ZDHHC7: variants seen among roughly 807,000 people sequenced by gnomAD.
The protein encoded by ZDHHC7 is zDHHC palmitoyltransferase 7.
ZDHHC7 carries 12 observed loss-of-function variants against 34.1 expected under a neutral mutation model. The ratio of observed to expected loss-of-function variants is 0.35; its 90% CI spans 0.23 to 0.57. The LOEUF (loss-of-function observed/expected upper bound fraction) is 0.57. Ranked by LOEUF, ZDHHC7 falls within the 20% of genes least tolerant of loss-of-function variation. ZDHHC7 has a pLI of 0.84. For missense variants in ZDHHC7, 388 were observed against 402.7 expected (o/e 0.96, Z 0.31); for synonymous variants, 185 against 155.4 (o/e 1.19, Z -1.42).
At chr16:85,020,511 T>C in the ZDHHC7 span, among the ~76,000 whole-genome samples, 1 of 152,150 alleles carries the variant, frequency 6.6e-6, no homozygotes, top group African/African-American at 2.4e-5. Flanking sequence ...CATGCAGGGA[T>C]TCCTTTAGGA....
chr16:84,988,946 G>C (rs893045402), intron 3 of ZDHHC7: 2 of 1,457,022 alleles, frequency 1.4e-6, no homozygotes, highest in Non-Finnish European at 1.9e-6. Context: ...CTTTGTCGAA[G>C]TGCCTGGGCA....
intron 2 of ZDHHC7, among the ~76,000 whole-genome samples, chr16:84,990,966 G>C (rs2072502342): frequency 6.6e-6 from 1 of 152,140 alleles, no homozygotes; most frequent in Non-Finnish European, 1.5e-5. Flanking sequence ...GTGGAGAGGA[G>C]CTCTGCTGTA....
rs1290153668 is a variant in ZDHHC7, at chr16:84,975,816, C to G, written c.*527G>C. 1 of 155,702 alleles carries G rather than the reference C, an allele frequency of 6.4e-6. No homozygotes were observed. The highest frequency in any genetic ancestry group is 1.4e-5 in the Non-Finnish European group (1 of 70,410). The allele number at this position is 155,702 out of a possible 1,614,324, so 9.6% of individuals were successfully genotyped here. On this transcript the variant is annotated 3_prime_UTR_variant, in exon 8 of 8. Transcript: ENST00000313732. Reference sequence around the variant, plus strand: ...GGGGCAGCGGGGAGTGTGCCGGAAGCCACCTTCACTGTTCAGTGCACAGAT... The same window carrying G: ...GGGGCAGCGGGGAGTGTGCCGGAAGGCACCTTCACTGTTCAGTGCACAGAT...
Position 84,985,667 on chromosome 16 carries a change from G to C in ZDHHC7, c.316-3673C>G, listed in dbSNP as rs183516626. On this transcript the variant is annotated intron_variant, in intron 3 of 7. Transcript: ENST00000313732. ...AAGGGAAAAAAATTATAAAAGAATT[G>C]AGACAGGCCAGGCACGGTGACTCAC... 1.3e-4 allele frequency among the ~76,000 whole-genome samples: 20 copies of C among 152,188 alleles called. No homozygotes were observed. The East Asian group carries it at 3.9e-3, about 29-fold the overall frequency.
the ZDHHC7 span, among the ~76,000 whole-genome samples, chr16:85,018,090 G>C: frequency 6.6e-6 from 1 of 152,084 alleles, no homozygotes; most frequent in Non-Finnish European, 1.5e-5. Context: ...GTGCCATGTT[G>C]GGTCCAGTTG....
intron 3 of ZDHHC7, among the ~76,000 whole-genome samples, chr16:84,984,538 C>A (rs752138308): frequency 3.9e-5 from 6 of 152,122 alleles, no homozygotes; most frequent in Non-Finnish European, 8.8e-5. Flanking sequence ...CGATGTGGCA[C>A]GATACACTTC....
At chr16:84,983,231 G>A (rs2072393493) in intron 3 of ZDHHC7, among the ~76,000 whole-genome samples, 1 of 152,236 alleles carries the variant, frequency 6.6e-6, no homozygotes, top group Non-Finnish European at 1.5e-5. Context: ...AGGGGATATA[G>A]GTGGGGCAAA....
At chr16:85,011,787 G>C (rs552648138), upstream of ZDHHC7, among the ~76,000 whole-genome samples, 8 of 152,366 alleles carry the variant, frequency 5.3e-5, no homozygotes, top group Non-Finnish European at 1.2e-4. Context: ...TGCGGAACCG[G>C]GTTGGGAATG....
At chr16:84,982,090 G>A in intron 3 of ZDHHC7, 96 bp from the exon 4 acceptor site, 3 of 1,515,154 alleles carry the variant, frequency 2.0e-6, no homozygotes, top group Non-Finnish European at 2.7e-6. Context: ...CCAGCACTTT[G>A]GGAGGCTGAG....
At position 84,990,586 on chromosome 16, in the gene ZDHHC7, G is replaced by A. The variant is rs752051653; in HGVS notation, c.33C>T (p.Val11=). 9.3e-6 allele frequency: 15 copies of A among 1,613,962 alleles called. No homozygotes were observed. The Admixed American group carries it at 1.2e-4, about 13-fold the overall frequency. ...TTTCAGCCAGGAGAGGATGATGCTC[G>A]ACGTCCCGGAGCCTGTGTCCTGATG... MQPSGHRLRD[V]EHHPLLAEND... Residue 11 remains valine, a synonymous_variant, in exon 3 of 8, where the codon GTC becomes GTT. Coordinates refer to ENST00000313732, the MANE Select transcript of ZDHHC7 (RefSeq NM_017740.3).
chr16:84,988,640 G>T, intron 3 of ZDHHC7: 2 of 821,178 alleles, frequency 2.4e-6, no homozygotes, highest in Non-Finnish European at 3.9e-6. Context: ...CTGGACTGCT[G>T]AGTAGCTGTA....
rs114882069 is a variant in ZDHHC7, at chr16:84,992,197, G to A, written c.-17-1562C>T. On this transcript the variant is annotated intron_variant, in intron 2 of 7. Transcript: ENST00000313732. ...GAAAAGAAAAAAGTGGGTCAGGTGC[G>A]GGTGGCTCATACCTGTAACCCCAGC... 4.0e-3 allele frequency among the ~76,000 whole-genome samples: 613 copies of A among 151,790 alleles called. 1 individual carries two copies. The highest frequency in any genetic ancestry group is 0.014 in the African/African-American group (586 of 41,392).
At chr16:85,026,113 G>A in the ZDHHC7 span, among the ~76,000 whole-genome samples, 808 of 152,332 alleles carry the variant, frequency 5.3e-3, 7 homozygotes, top group African/African-American at 0.019. Context: ...AACAGAATCT[G>A]ACTCTAAATG....
At chr16:84,981,184 G>A (rs552850813) in intron 4 of ZDHHC7, among the ~76,000 whole-genome samples, 1 of 152,196 alleles carries the variant, frequency 6.6e-6, no homozygotes, top group Non-Finnish European at 1.5e-5. Flanking sequence ...AAGGAGTCAG[G>A]AACTGGCAAA....
intron 1 of ZDHHC7, among the ~76,000 whole-genome samples, chr16:85,004,658 T>A (rs2072695321): frequency 6.9e-6 from 1 of 145,666 alleles, no homozygotes; most frequent in Admixed American, 6.9e-5. Flanking sequence ...GGAATGTTAC[T>A]CATAGTATCC....
Position 84,976,496 on chromosome 16 carries a change from C to G in ZDHHC7, c.774G>C (p.Glu258Asp). 2 of 1,613,706 alleles carry G rather than the reference C, an allele frequency of 1.2e-6. No homozygotes were observed. The highest frequency in any genetic ancestry group is 1.7e-4 in the Middle Eastern group (1 of 5,872). ...DETEIERLKS[E>D]KPTWERRLRW... ...GCAGCCTCCGCTCCCATGTGGGCTT[C>G]TCACTTTTCAATCGCTCGATCTCCT... The change falls in exon 8 of 8, where the codon GAG (glutamate) becomes GAC (aspartate). Residue 258 changes from glutamate (E) to aspartate (D), a missense_variant. Coordinates refer to ENST00000313732, the MANE Select transcript of ZDHHC7 (RefSeq NM_017740.3).
At chr16:85,010,137 A>G (rs1037285069) in intron 1 of ZDHHC7, among the ~76,000 whole-genome samples, 2 of 147,710 alleles carry the variant, frequency 1.4e-5, no homozygotes, top group African/African-American at 5.1e-5. Context: ...CCCCCACCTC[A>G]GCCTCCCAAG....
At chr16:84,984,997 T>C (rs2072418361) in intron 3 of ZDHHC7, among the ~76,000 whole-genome samples, 1 of 152,208 alleles carries the variant, frequency 6.6e-6, no homozygotes, top group South Asian at 2.1e-4. Flanking sequence ...GAACAAACCT[T>C]CCAAGTAATT....
chr16:84,989,954 T>C (rs568957882), intron 3 of ZDHHC7, among the ~76,000 whole-genome samples: 139 of 152,250 alleles, frequency 9.1e-4, no homozygotes, highest in African/African-American at 3.2e-3. Context: ...GGAACTCACT[T>C]ACTAGAGGTG....
Sources: gnomAD v4.1 joint callset for allele counts (sites outside exome capture counted in the v4.1 genomes callset) on GRCh38, gnomAD v4.1.1 for gene constraint, MANE v1.5 for transcripts, NCBI Gene and HGNC (gene_info 2026-07-23, HGNC 2026-07-21) for gene names.